UBA6: variants seen among roughly 807,000 people sequenced by gnomAD.
UBA6 encodes the protein ubiquitin like modifier activating enzyme 6, also known as ubiquitin-like modifier-activating enzyme 6.
Under a neutral mutation model 148.3 loss-of-function variants are expected in UBA6, and 87 were observed. The ratio of observed to expected loss-of-function variants is 0.59; its 90% CI spans 0.49 to 0.70. UBA6 has a LOEUF of 0.70. UBA6 is among the 30% of genes least tolerant of loss of function. The pLI is 0.00. For missense variants in UBA6, 1,186 were observed against 1,241.2 expected (o/e 0.96, Z 0.67); for synonymous variants, 376 against 401.0 (o/e 0.94, Z 0.75).
At chr4:67,644,677 T>C in intron 17 of UBA6, 21 bp downstream of exon 17, 1 of 1,393,378 alleles carries the variant, frequency 7.2e-7, no homozygotes, top group East Asian at 2.3e-5. Context: ...AACTTTTAAC[T>C]CTCAAGAATT....
rs754047996 is a variant in UBA6 at position 67,618,974 on chromosome 4, G to T, written c.*23C>A. 2 of 1,610,184 alleles carry T rather than the reference G, an allele frequency of 1.2e-6. No homozygotes were observed. Among genetic ancestry groups the T allele is most frequent in the African/African-American group, 1.3e-5 (1 of 74,850 alleles). ...CTCTTTCCAAAATCAAGTGGTCCTG[G>T]AGTAACGTTAAGACAACTTGTATTA... On this transcript the variant is annotated 3_prime_UTR_variant, in exon 33 of 33. Transcript: ENST00000322244.
intron 18 of UBA6, among the ~76,000 whole-genome samples, chr4:67,640,266 A>C (rs965116654): frequency 1.3e-5 from 2 of 152,244 alleles, no homozygotes; most frequent in Non-Finnish European, 2.9e-5. Flanking sequence ...AGTAAAATGC[A>C]CCAAGTTAAG....
Position 67,673,687 on chromosome 4 carries a change from A to G in UBA6, c.546+10T>C. Reference sequence around the variant, plus strand: ...GTTAACTACATGTCATTACTAAATGATACAATTACCTTAATTGGAGGGCAC... The same window carrying G: ...GTTAACTACATGTCATTACTAAATGGTACAATTACCTTAATTGGAGGGCAC... On this transcript the variant is annotated intron_variant, in intron 7 of 32. Transcript: ENST00000322244. 2 of 1,592,698 alleles carry G rather than the reference A, an allele frequency of 1.3e-6. No individual in the cohort carries two copies. The highest frequency in any genetic ancestry group is 1.3e-5 in the African/African-American group (1 of 74,648).
intron 9 of UBA6, among the ~76,000 whole-genome samples, chr4:67,667,052 C>T (rs1387454768): frequency 2.0e-5 from 3 of 152,126 alleles, no homozygotes; most frequent in Non-Finnish European, 4.4e-5. Flanking sequence ...ATTTTTGGCA[C>T]AAAATGTGGG....
At chr4:67,686,880 A>G (rs1240436866) in intron 2 of UBA6, among the ~76,000 whole-genome samples, 1 of 142,972 alleles carries the variant, frequency 7.0e-6, no homozygotes, top group Admixed American at 7.5e-5. Flanking sequence ...CTTGAGCCTA[A>G]CAGTTTGAGG....
Position 67,635,548 on chromosome 4 carries a change from C to T in UBA6, c.1747G>A (p.Ala583Thr). 1 of 1,607,662 alleles carries T rather than the reference C, an allele frequency of 6.2e-7. No individual in the cohort carries two copies. Among genetic ancestry groups the T allele is most frequent in the Non-Finnish European group, 8.5e-7 (1 of 1,174,742 alleles). ...GAATCTAAAAGAGGCCTTAGATTTG[C>T]TAAGCAACGACTATTTGAAAAGACA... ...ARRYVDSRCL[A>T]NLRPLLDSGT... The change falls in exon 20 of 33, where the codon GCA (alanine) becomes ACA (threonine). Residue 583 changes from alanine to threonine, a missense_variant. Transcript: ENST00000322244.
intron 6 of UBA6, among the ~76,000 whole-genome samples, chr4:67,676,304 G>A (rs1042383238): frequency 6.6e-6 from 1 of 152,224 alleles, no homozygotes; most frequent in Non-Finnish European, 1.5e-5. Context: ...GATTATAGGC[G>A]TGAGCCACCG....
At chr4:67,656,130 T>C (rs895084462) in intron 13 of UBA6, among the ~76,000 whole-genome samples, 13 of 152,360 alleles carry the variant, frequency 8.5e-5, no homozygotes, top group Admixed American at 7.2e-4. Context: ...CTGGTACCAT[T>C]CCTTCTGAAA....
At chr4:67,693,993 T>C (rs192425137) in intron 2 of UBA6, among the ~76,000 whole-genome samples, 1 of 151,710 alleles carries the variant, frequency 6.6e-6, no homozygotes, top group East Asian at 1.9e-4. Context: ...GGTGGGCAGA[T>C]CATGAGGTCA....
In UBA6 at chr4:67,622,874, A is replaced by G. The variant is rs1728781737; in HGVS notation, c.2980T>C (p.Tyr994His). The G allele has an allele frequency of 1.9e-6, 3 of 1,613,398 alleles. No individual in the cohort carries two copies. The highest frequency in any genetic ancestry group is 2.5e-6 in the Non-Finnish European group (3 of 1,179,644). Reference protein sequence around the residue: ...TMVVQGVKMLYVPVMPGHAKR... With the variant: ...TMVVQGVKMLHVPVMPGHAKR... Reference sequence around the variant, plus strand: ...GCATGACCAGGCATTACAGGAACATAAAGCATTTTGACTCCCTGTACCACC... The same window carrying G: ...GCATGACCAGGCATTACAGGAACATGAAGCATTTTGACTCCCTGTACCACC... Residue 994 changes from tyrosine to histidine, a missense_variant, in exon 32 of 33, where the codon TAT (tyrosine) becomes CAT (histidine). Coordinates refer to ENST00000322244, the MANE Select transcript of UBA6 (RefSeq NM_018227.6).
intron 16 of UBA6, 73 bp from the exon 17 acceptor site, chr4:67,644,851 A>G (rs1342998694): frequency 4.0e-6 from 3 of 752,162 alleles, no homozygotes; most frequent in Non-Finnish European, 4.5e-6. Context: ...TGAAATATTT[A>G]ACAGGTTTAT....
intron 17 of UBA6, among the ~76,000 whole-genome samples, chr4:67,643,319 T>C (rs1362585803): frequency 1.3e-5 from 2 of 152,066 alleles, no homozygotes; most frequent in East Asian, 1.9e-4. Context: ...GTTCCCTTTC[T>C]AGTGAATAGT....
In UBA6 at chr4:67,614,608, C is replaced by T. The variant is rs1185949274; in HGVS notation, c.*4389G>A. On this transcript the variant is annotated 3_prime_UTR_variant, in exon 33 of 33. Transcript: ENST00000322244. ...AAAAATTTAAATATGAAAGGCAAAA[C>T]TAAAGCTTTAAGAAGACGATATATA... is the stretch of plus-strand genomic sequence containing the variant. 6.6e-6 allele frequency: 1 copy of T among 152,130 alleles called. No homozygotes were observed. The highest frequency in any genetic ancestry group is 1.5e-5 in the Non-Finnish European group (1 of 68,004). The allele number at this position is 152,130 out of a possible 1,614,324, so 9.4% of individuals were successfully genotyped here.
At chr4:67,648,475 A>AG in intron 14 of UBA6, among the ~76,000 whole-genome samples, 1 of 151,786 alleles carries the variant, frequency 6.6e-6, no homozygotes, top group East Asian at 1.9e-4. Context: ...CTCAAAAAAA[A>AG]AAAAAAATTA....
At position 67,613,449 on chromosome 4, in the gene UBA6, T is replaced by C. The variant is rs1728573910; in HGVS notation, c.*5548A>G. ...TTTCATTTTGAAGCAGATAAGAAAT[T>C]GAAAATTTCAGCAAGACAATTAGAA... On this transcript the variant is annotated 3_prime_UTR_variant, in exon 33 of 33. Transcript: ENST00000322244. 1 of 152,152 alleles carries C rather than the reference T, an allele frequency of 6.6e-6. No individual in the cohort carries two copies. The highest frequency in any genetic ancestry group is 6.5e-5 in the Admixed American group (1 of 15,276). 9.4% of individuals were successfully genotyped at this position (152,152 alleles called of 1,614,324 possible).
At chr4:67,625,281 T>G in intron 28 of UBA6, 94 bp from the exon 29 acceptor site, 1 of 966,226 alleles carries the variant, frequency 1.0e-6, no homozygotes, top group Non-Finnish European at 1.5e-6. Flanking sequence ...TTTCAAAGAT[T>G]CCTTTTTATA....
rs2109886335 is a variant in UBA6 at position 67,613,487 on chromosome 4, A to G, written c.*5510T>C. On this transcript the variant is annotated 3_prime_UTR_variant, in exon 33 of 33. Coordinates refer to ENST00000322244, the MANE Select transcript of UBA6 (RefSeq NM_018227.6). ...AAGACAATTAGAAACTGCAGGAGTG[A>G]CAAATTTACATGCTTTCAATTAGAA... 6.6e-6 allele frequency: 1 copy of G among 152,350 alleles called. No homozygotes were observed. The highest frequency in any genetic ancestry group is 2.1e-4 in the South Asian group (1 of 4,832). 9.4% of individuals were successfully genotyped at this position (152,350 alleles called of 1,614,324 possible). A position where few individuals can be genotyped will look rare whatever the true frequency, so the allele number is the denominator to read the frequency against.
intron 19 of UBA6, among the ~76,000 whole-genome samples, chr4:67,637,466 T>A (rs904136420): frequency 6.6e-6 from 1 of 152,172 alleles, no homozygotes; most frequent in African/African-American, 2.4e-5. Flanking sequence ...CGGGCCATGA[T>A]GACGATGGCG....
intron 16 of UBA6, among the ~76,000 whole-genome samples, chr4:67,645,641 A>C (rs1729406495): frequency 6.6e-6 from 1 of 152,092 alleles, no homozygotes; most frequent in African/African-American, 2.4e-5. Context: ...ATATTCCTTC[A>C]TTTAGTGAGA....
Sources: allele counts gnomAD v4.1 joint callset (sites outside exome capture counted in the v4.1 genomes callset), GRCh38; gene constraint gnomAD v4.1.1; transcripts MANE v1.5; gene names NCBI Gene and HGNC (gene_info 2026-07-23, HGNC 2026-07-21).